SYNE3: variants seen among roughly 807,000 people sequenced by gnomAD.
SYNE3 encodes nesprin-3.
Under a neutral mutation model 111.2 loss-of-function variants are expected in SYNE3, and 100 were observed. The ratio of observed to expected loss-of-function variants is 0.90; its 90% CI spans 0.77 to 1.06. SYNE3 has a LOEUF of 1.06. Among genes scored for constraint, SYNE3 ranks in the 50% least tolerant of loss-of-function variants. The probability of loss-of-function intolerance (pLI) is 0.00; values close to 1 mark genes in which losing one functional copy is unlikely to be tolerated. For synonymous variants in SYNE3, 547 were observed against 533.9 expected (o/e 1.02, Z -0.34); for missense variants, 1,160 against 1,240.3 (o/e 0.94, Z 0.97).
rs1416673463 is a variant in SYNE3, at chr14:95,416,385, T to C, written c.*1441A>G. The stretch of plus-strand genomic sequence containing the variant: ...AAGGTCCGAGGAAATCCCCTCGTAT[T>C]TGTAGTTGAACAGACAAAATCCATT... On this transcript the variant is annotated 3_prime_UTR_variant, in exon 18 of 18. Transcript: ENST00000682763. The C allele has an allele frequency of 6.6e-6, 1 of 152,250 alleles. No homozygotes were observed. Among genetic ancestry groups the C allele is most frequent in the Non-Finnish European group, 1.5e-5 (1 of 68,042 alleles). 9.4% of individuals were successfully genotyped at this position (152,250 alleles called of 1,614,324 possible). A position where few individuals can be genotyped will look rare whatever the true frequency, so the allele number is the denominator to read the frequency against.
rs1255005876 is a variant in SYNE3 at position 95,432,077 on chromosome 14, A to G, written c.2727+2T>C. On this transcript the variant is annotated splice_donor_variant, in intron 17 of 17. Transcript: ENST00000682763. LOFTEE classifies it high-confidence loss of function. ...GTGTGGAGCAGATGGCAGACACTGTACCTTTTGGAATCCAGTCGGCTCCCC... is the reference window on the plus strand; with the variant it reads ...GTGTGGAGCAGATGGCAGACACTGTGCCTTTTGGAATCCAGTCGGCTCCCC... The G allele has an allele frequency of 6.2e-7, 1 of 1,611,916 alleles. No individual in the cohort carries two copies. The highest frequency in any genetic ancestry group is 1.7e-5 in the Admixed American group (1 of 59,790).
At position 95,417,440 on chromosome 14, in the gene SYNE3, T is replaced by TA; in HGVS notation, c.*385dup. The TA allele has an allele frequency of 3.8e-6, 1 of 262,600 alleles. No individual in the cohort carries two copies. The highest frequency in any genetic ancestry group is 8.4e-5 in the East Asian group (1 of 11,902). 16.3% of individuals were successfully genotyped at this position (262,600 alleles called of 1,614,324 possible). ...AGAGGTTGCCATGAAAGTGACATGT[T>TA]ATTGTTCTTGCTTTCTAGGGTTGAC... is the stretch of plus-strand genomic sequence containing the variant. On this transcript the variant is annotated 3_prime_UTR_variant, in exon 18 of 18. Coordinates refer to ENST00000682763, the MANE Select transcript of SYNE3 (RefSeq NM_152592.6).
intron 1 of SYNE3, among the ~76,000 whole-genome samples, chr14:95,507,726 T>C (rs1303029765): frequency 6.6e-6 from 1 of 152,204 alleles, no homozygotes; most frequent in African/African-American, 2.4e-5. Flanking sequence ...CGCTGCCTGG[T>C]GCTGGATAAA....
At chr14:95,472,742 G>A (rs1888604042) in intron 2 of SYNE3, among the ~76,000 whole-genome samples, 1 of 152,170 alleles carries the variant, frequency 6.6e-6, no homozygotes, top group East Asian at 1.9e-4. Flanking sequence ...CAACCCAGGA[G>A]CGATGGGTTC....
chr14:95,467,994 C>T, intron 2 of SYNE3, 27 bp from the exon 3 acceptor site: 1 of 1,591,880 alleles, frequency 6.3e-7, no homozygotes, highest in Non-Finnish European at 8.6e-7. Context: ...AGCCAGTTTC[C>T]AGGGTTGGCA....
At chr14:95,475,506 G>A (rs773375806) in intron 2 of SYNE3, among the ~76,000 whole-genome samples, 172 bp downstream of exon 2, 2 of 152,136 alleles carry the variant, frequency 1.3e-5, no homozygotes, top group African/African-American at 2.4e-5. Context: ...TCCATGACCC[G>A]ATCAGAGTCT....
intron 1 of SYNE3, among the ~76,000 whole-genome samples, chr14:95,483,446 T>TTA (rs1889373224): frequency 6.6e-6 from 1 of 152,180 alleles, no homozygotes; most frequent in South Asian, 2.1e-4. Context: ...CACTGCTCTC[T>TTA]TATGCTTGGA....
At chr14:95,515,818 C>T (rs553681496) in intron 1 of SYNE3, among the ~76,000 whole-genome samples, 18 of 152,336 alleles carry the variant, frequency 1.2e-4, no homozygotes, top group African/African-American at 3.8e-4. Flanking sequence ...ATTATCACCC[C>T]GCCCAGGCTG....
chr14:95,419,431 A>T (rs1282279011), intron 17 of SYNE3, among the ~76,000 whole-genome samples: 1 of 152,198 alleles, frequency 6.6e-6, no homozygotes, highest in Non-Finnish European at 1.5e-5. Context: ...TCTTACTATT[A>T]GTACTATTAA....
chr14:95,472,626 C>A (rs1269080168), intron 2 of SYNE3, among the ~76,000 whole-genome samples: 1 of 152,212 alleles, frequency 6.6e-6, no homozygotes, highest in Non-Finnish European at 1.5e-5. Context: ...CTATCACTCT[C>A]CCCGGAAGCA....
chr14:95,513,690 T>A (rs1890800227), intron 1 of SYNE3, among the ~76,000 whole-genome samples: 1 of 146,570 alleles, frequency 6.8e-6, no homozygotes, highest in African/African-American at 2.5e-5. Flanking sequence ...CAGGAAACAC[T>A]GCTGCTCCTG....
chr14:95,494,157 G>A (rs1448043991), intron 1 of SYNE3, among the ~76,000 whole-genome samples: 1 of 149,362 alleles, frequency 6.7e-6, no homozygotes, highest in Non-Finnish European at 1.5e-5. Flanking sequence ...AAAAAAAAAA[G>A]ACCATTTGAC....
chr14:95,430,893 G>A (rs955550243), intron 17 of SYNE3, among the ~76,000 whole-genome samples: 5 of 151,252 alleles, frequency 3.3e-5, no homozygotes, highest in East Asian at 3.9e-4. Flanking sequence ...CAACTCCCTC[G>A]AAGCCACAAA....
Position 95,420,956 on chromosome 14 carries a change from G to C in SYNE3, c.2728-2930C>G, listed in dbSNP as rs144188804. Reference sequence around the variant, plus strand: ...AGTGGGAGATAATTGAATCATGGGGGCAGTTTCCCTCATACTGTTCTCATG... The same window carrying C: ...AGTGGGAGATAATTGAATCATGGGGCCAGTTTCCCTCATACTGTTCTCATG... On this transcript the variant is annotated intron_variant, in intron 17 of 17. Transcript: ENST00000682763. Among the ~76,000 whole-genome samples, 70 of 152,268 alleles carry C rather than the reference G, an allele frequency of 4.6e-4. 2 individuals are homozygous for C. In the East Asian group the frequency reaches 0.012, roughly 26 times the overall value.
At chr14:95,466,344 TG>T (rs779641757) in intron 3 of SYNE3, 104 bp from the exon 4 acceptor site, 6 of 1,366,976 alleles carry the variant, frequency 4.4e-6, no homozygotes, top group Non-Finnish European at 5.9e-6. Flanking sequence ...GGCTGTGGTC[TG>T]GGGGCATGAT....
At chr14:95,455,849 G>A in intron 5 of SYNE3, 125 bp from the exon 6 acceptor site, 3 of 940,222 alleles carry the variant, frequency 3.2e-6, no homozygotes, top group Non-Finnish European at 4.7e-6. Flanking sequence ...GTTAGAGCCA[G>A]AGAGGGGCCT....
chr14:95,508,980 T>C (rs1175173950), intron 1 of SYNE3, among the ~76,000 whole-genome samples: 1 of 152,242 alleles, frequency 6.6e-6, no homozygotes, highest in African/African-American at 2.4e-5. Flanking sequence ...TAAGATCCTA[T>C]TTTAAAGCCT....
chr14:95,499,341 C>T lies in SYNE3; in HGVS notation c.-15+17255G>A, dbSNP rs74507632. 1.5e-3 allele frequency among the ~76,000 whole-genome samples: 234 copies of T among 152,306 alleles called. 1 individual carries two copies. Among genetic ancestry groups the T allele is most frequent in the Non-Finnish European group, 1.6e-3 (111 of 68,024 alleles). On this transcript the variant is annotated intron_variant, in intron 1 of 17. Transcript: ENST00000682763. ...AGTCCAAGAAGTTTAACAGGACATT[C>T]AAAGTCCTTCTCCATCCATCTCTGC...
chr14:95,457,343 G>A lies in SYNE3; in HGVS notation c.628-5C>T. 6 of 1,612,544 alleles carry A rather than the reference G, an allele frequency of 3.7e-6. No homozygotes were observed. Among genetic ancestry groups the A allele is most frequent in the Non-Finnish European group, 5.1e-6 (6 of 1,179,148 alleles). ...CTCCAGCAGATCTACACGCTTCTGT[G>A]GGAGGAGGAGAATCACCAGCCATGA... On this transcript the variant is annotated splice_region_variant and splice_polypyrimidine_tract_variant and intron_variant, in intron 4 of 17. Coordinates refer to ENST00000682763, the MANE Select transcript of SYNE3 (RefSeq NM_152592.6).
Sources: gnomAD v4.1 joint callset for allele counts (sites outside exome capture counted in the v4.1 genomes callset) on GRCh38, gnomAD v4.1.1 for gene constraint, MANE v1.5 for transcripts, NCBI Gene and HGNC (gene_info 2026-07-23, HGNC 2026-07-21) for gene names.